The following CDH1 variants were observed in gnomAD, a reference collection of about 807,000 sequenced individuals.
CDH1 encodes the protein cadherin-1.
CDH1 carries 35 observed loss-of-function variants against 84.5 expected under a neutral mutation model. That is an observed-to-expected ratio of 0.41 (90% CI 0.32 to 0.55). The LOEUF is 0.55. CDH1 is among the 20% of genes least tolerant of loss of function. CDH1 has a pLI of 0.19. For synonymous variants in CDH1, 417 were observed against 439.0 expected (o/e 0.95, Z 0.63); for missense variants, 994 against 1,126.6 (o/e 0.88, Z 1.68).
intron 8 of CDH1, among the ~76,000 whole-genome samples, chr16:68,812,619 A>G (rs1468780695): frequency 6.6e-6 from 1 of 152,254 alleles, no homozygotes; most frequent in Non-Finnish European, 1.5e-5. Context: ...ACCATCACAC[A>G]CAAAGATTCC....
chr16:68,813,802 C>T (rs189453630), intron 9 of CDH1, among the ~76,000 whole-genome samples: 1 of 151,756 alleles, frequency 6.6e-6, no homozygotes, highest in Non-Finnish European at 1.5e-5. Context: ...CATGGTGGCA[C>T]GTGCCTGTAA....
intron 11 of CDH1, among the ~76,000 whole-genome samples, chr16:68,821,106 A>C (rs1863528368): frequency 6.6e-6 from 1 of 152,180 alleles, no homozygotes; most frequent in Non-Finnish European, 1.5e-5. Flanking sequence ...TATTGATGAT[A>C]GTTCCCTGGG....
At chr16:68,738,961 TTTTA>T (rs1442887269) in intron 2 of CDH1, among the ~76,000 whole-genome samples, 1 of 125,294 alleles carries the variant, frequency 8.0e-6, no homozygotes, top group African/African-American at 3.1e-5. Flanking sequence ...TTTTTTTTTT[TTTTA>T]AAGACAGGGT....
chr16:68,738,964 T>TTTTTTTTTTTTTTTTTTTTTTA (rs555202424), intron 2 of CDH1, among the ~76,000 whole-genome samples: 1 of 65,364 alleles, frequency 1.5e-5, no homozygotes, highest in Non-Finnish European at 2.8e-5. Flanking sequence ...TTTTTTTTTT[T>TTTTTTTTTTTTTTTTTTTTTTA]AAAGACAGGG....
intron 2 of CDH1, among the ~76,000 whole-genome samples, chr16:68,773,812 G>T (rs1353331407): frequency 1.3e-5 from 2 of 152,236 alleles, no homozygotes; most frequent in African/African-American, 4.8e-5. Flanking sequence ...GTGCCACAGG[G>T]CTCTTCCTGT....
At chr16:68,745,124 C>T (rs990911126) in intron 2 of CDH1, among the ~76,000 whole-genome samples, 3 of 151,208 alleles carry the variant, frequency 2.0e-5, no homozygotes, top group East Asian at 1.9e-4. Flanking sequence ...TGGGGCAAGG[C>T]GCAGCTAGGG....
intron 2 of CDH1, among the ~76,000 whole-genome samples, chr16:68,758,168 C>A (rs1415734424): frequency 6.7e-6 from 1 of 148,822 alleles, no homozygotes; most frequent in Non-Finnish European, 1.5e-5. Flanking sequence ...TCTATCCCAA[C>A]CCCACCCCAT....
intron 2 of CDH1, among the ~76,000 whole-genome samples, chr16:68,793,417 A>T (rs1960265387): frequency 6.6e-6 from 1 of 152,118 alleles, no homozygotes; most frequent in African/African-American, 2.4e-5. Flanking sequence ...CAACTGTCCT[A>T]TTCTTTTGTG....
At chr16:68,806,902 G>C (rs1455640843) in intron 3 of CDH1, among the ~76,000 whole-genome samples, 3 of 152,134 alleles carry the variant, frequency 2.0e-5, no homozygotes. Flanking sequence ...CATTGGGGAA[G>C]GGCTCTGTGA....
At chr16:68,813,240 C>T (rs1362392416) in intron 8 of CDH1, 73 bp from the exon 9 acceptor site, 2 of 1,447,882 alleles carry the variant, frequency 1.4e-6, no homozygotes, top group East Asian at 4.5e-5. Context: ...AAGAGGAATC[C>T]TTTAGCCCCC....
chr16:68,808,572 A>G lies in CDH1; in HGVS notation c.531+5A>G. On this transcript the variant is annotated splice_donor_5th_base_variant and intron_variant, in intron 4 of 15. Coordinates refer to ENST00000261769, the MANE Select transcript of CDH1 (RefSeq NM_004360.5). ...TTTCCTAAAAACCTGGTTCAGGTAG[A>G]GAAAGAAGTTCTCTGTTTCTCTGGG... The G allele has an allele frequency of 6.2e-7, 1 of 1,614,216 alleles. No individual in the cohort carries two copies. The highest frequency in any genetic ancestry group is 8.5e-7 in the Non-Finnish European group (1 of 1,180,018).
chr16:68,829,038 G>A (rs7203904), intron 14 of CDH1, among the ~76,000 whole-genome samples: 1 of 151,960 alleles, frequency 6.6e-6, no homozygotes, highest in African/African-American at 2.4e-5. Flanking sequence ...GCAACCAATC[G>A]TGGAATCTCA....
chr16:68,824,316 A>G lies in CDH1; in HGVS notation c.2164+690A>G, dbSNP rs566351251. On this transcript the variant is annotated intron_variant, in intron 13 of 15. Transcript: ENST00000261769. ...CCGGCCAGATTCTACATTTCTAACCAGCTCCCAGGCGGTACTGATGTTGCA... is the reference window on the plus strand; with the variant it reads ...CCGGCCAGATTCTACATTTCTAACCGGCTCCCAGGCGGTACTGATGTTGCA... Among the ~76,000 whole-genome samples the G allele has an allele frequency of 2.6e-5, 4 of 152,132 alleles. No individual in the cohort carries two copies. In the East Asian group the frequency reaches 7.7e-4, roughly 29 times the overall value.
intron 13 of CDH1, among the ~76,000 whole-genome samples, chr16:68,824,203 G>C (rs1961258923): frequency 6.6e-6 from 1 of 151,896 alleles, no homozygotes; most frequent in African/African-American, 2.4e-5. Context: ...CTCCATTTTG[G>C]TTAGGCTGGT....
chr16:68,809,486 G>T (rs1960760442), intron 5 of CDH1, among the ~76,000 whole-genome samples: 1 of 150,900 alleles, frequency 6.6e-6, no homozygotes. Flanking sequence ...ACAGGAGGGA[G>T]CCACTGCACC....
chr16:68,737,454 G>A lies in CDH1; in HGVS notation c.39G>A (p.Leu13=), dbSNP rs1452061458. ...GCCGCAGCCTCTCGGCGCTGCTGCT[G>A]CTGCTGCAGGTACCCCGGATCCCCT... ...PWSRSLSALL[L]LLQVSSWLCQ... is the part of the protein sequence containing the mutation. Residue 13 remains leucine, a synonymous_variant, in exon 1 of 16, where the codon CTG becomes CTA. Coordinates refer to ENST00000261769, the MANE Select transcript of CDH1 (RefSeq NM_004360.5). 2 of 1,536,944 alleles carry A rather than the reference G, an allele frequency of 1.3e-6. No homozygotes were observed. Among genetic ancestry groups the A allele is most frequent in the Non-Finnish European group, 8.7e-7 (1 of 1,148,104 alleles).
intron 2 of CDH1, among the ~76,000 whole-genome samples, chr16:68,752,432 T>C (rs947258839): frequency 6.6e-6 from 1 of 152,222 alleles, no homozygotes; most frequent in African/African-American, 2.4e-5. Context: ...TTAATGTCTT[T>C]TGTTTTGTAC....
At chr16:68,738,444 G>A (rs897442252) in intron 2 of CDH1, 33 bp downstream of exon 2, 1 of 1,451,434 alleles carries the variant, frequency 6.9e-7, no homozygotes, top group Non-Finnish European at 9.4e-7. Context: ...CCTGGGCGGA[G>A]TAGGGAGGGG....
At chr16:68,753,730 C>T (rs1462730494) in intron 2 of CDH1, among the ~76,000 whole-genome samples, 10 of 152,106 alleles carry the variant, frequency 6.6e-5, no homozygotes, top group South Asian at 6.2e-4. Context: ...AATAACAATA[C>T]AGGACTATCA....
Sources: gnomAD v4.1 joint callset for allele counts (sites outside exome capture counted in the v4.1 genomes callset) on GRCh38, gnomAD v4.1.1 for gene constraint, MANE v1.5 for transcripts, NCBI Gene and HGNC (gene_info 2026-07-23, HGNC 2026-07-21) for gene names.